CFAP54: variants seen among roughly 807,000 people sequenced by gnomAD.
CFAP54 encodes the protein cilia- and flagella-associated protein 54.
A neutral mutation model predicts 370.4 loss-of-function variants in CFAP54; 290 were observed. The observed-to-expected ratio is 0.78, with a 90% CI of 0.71 to 0.86. The LOEUF (loss-of-function observed/expected upper bound fraction) is 0.86. Among genes scored for constraint, CFAP54 ranks in the 40% least tolerant of loss-of-function variants. CFAP54 has a pLI of 0.00. For missense variants in CFAP54, 3,399 were observed against 3,528.7 expected, an observed-to-expected ratio of 0.96 and a Z score of 0.93; for synonymous variants, 1,206 against 1,236.5, an observed-to-expected ratio of 0.98 and a Z score of 0.52.
chr12:96,538,409 T>C lies in CFAP54; in HGVS notation c.1817T>C (p.Val606Ala). The C allele has an allele frequency of 6.5e-7, 1 of 1,535,612 alleles. No homozygotes were observed. Among genetic ancestry groups the C allele is most frequent in the Non-Finnish European group, 8.7e-7 (1 of 1,146,644 alleles). The change falls in exon 13 of 68, where the codon GTT (valine) becomes GCT (alanine). Residue 606 changes from valine (V) to alanine (A), a missense_variant. Around this residue, in one of 3 missense-constraint regions of CFAP54, gnomAD observed 2,796 missense variants for 2,869.7 expected, o/e 0.97. Coordinates refer to ENST00000524981, the MANE Select transcript of CFAP54 (RefSeq NM_001306084.2). ...PQDVQPDKEI[V>A]VDTIMFLWQK... ...GATGTTCAACCTGATAAAGAAATTG[T>C]TGTGGACACGATAATGTTCCTATGG... is the stretch of plus-strand genomic sequence containing the variant.
At chr12:96,870,373 CA>C (rs1960125965) in intron 67 of CFAP54, among the ~76,000 whole-genome samples, 3 of 152,108 alleles carry the variant, frequency 2.0e-5, no homozygotes, top group Non-Finnish European at 1.5e-5. Flanking sequence ...CATCAAGGAA[CA>C]ACTACCCTAT....
In CFAP54 at chr12:96,536,581, G is replaced by A. The variant is rs558343979; in HGVS notation, c.1791+981G>A. 1.3e-4 allele frequency among the ~76,000 whole-genome samples: 20 copies of A among 151,638 alleles called. No individual in the cohort carries two copies. In the East Asian group the frequency reaches 3.7e-3, roughly 28 times the overall value. ...AAAATAGCGATCAAGGCTTAAAAAG[G>A]TAGGGAACTTTCCTTTATCTGTTTT... On this transcript the variant is annotated intron_variant, in intron 12 of 67. Coordinates refer to ENST00000524981, the MANE Select transcript of CFAP54 (RefSeq NM_001306084.2).
Position 96,626,906 on chromosome 12 carries a change from A to G in CFAP54, c.4070A>G (p.Glu1357Gly). The G allele has an allele frequency of 7.0e-7, 1 of 1,432,376 alleles. No individual in the cohort carries two copies. The highest frequency in any genetic ancestry group is 9.2e-7 in the Non-Finnish European group (1 of 1,084,298). The allele number at this position is 1,432,376 out of a possible 1,614,324, so 88.7% of individuals were successfully genotyped here. A position where few individuals can be genotyped will look rare whatever the true frequency, so the allele number is the denominator to read the frequency against. ...GAGGAAAAATTTCATCTTATGGTAGAGGTAACAACTCCTGTCCATGACTTC... is the reference window on the plus strand; with the variant it reads ...GAGGAAAAATTTCATCTTATGGTAGGGGTAACAACTCCTGTCCATGACTTC... Reference protein sequence around the residue: ...MNEEKFHLMVEVTTPVHDFLK... With the variant: ...MNEEKFHLMVGVTTPVHDFLK... The change falls in exon 30 of 68, where the codon GAG (glutamate) becomes GGG (glycine). Residue 1357 changes from glutamate to glycine, a missense_variant. Physicochemically the swap from Glu to Gly is moderately conservative, Grantham distance 98. This residue lies in a region of CFAP54 where 2,796 missense variants were observed against 2,869.7 expected (regional missense o/e 0.97). Coordinates refer to ENST00000524981, the MANE Select transcript of CFAP54 (RefSeq NM_001306084.2).
intron 66 of CFAP54, among the ~76,000 whole-genome samples, chr12:96,855,833 T>C (rs1388460593): frequency 1.3e-5 from 2 of 152,170 alleles, no homozygotes; most frequent in Non-Finnish European, 2.9e-5. Context: ...CTTCTCACAG[T>C]TCCACTAGGC....
chr12:96,765,412 T>G (rs1199964239), intron 60 of CFAP54, 194 bp downstream of exon 60: 6 of 334,418 alleles, frequency 1.8e-5, no homozygotes, highest in Non-Finnish European at 3.0e-5. Flanking sequence ...TACCTGTTAC[T>G]CAGTCAGCTG....
chr12:96,729,602 TA>T (rs1957891423), intron 50 of CFAP54, among the ~76,000 whole-genome samples: 2 of 152,140 alleles, frequency 1.3e-5, no homozygotes, highest in Admixed American at 1.3e-4. Context: ...CCCCTTTCCT[TA>T]ACCAGGAAAG....
intron 6 of CFAP54, among the ~76,000 whole-genome samples, chr12:96,520,138 GAC>G (rs1955287827): frequency 6.6e-6 from 1 of 152,170 alleles, no homozygotes; most frequent in African/African-American, 2.4e-5. Flanking sequence ...TGGGACTACA[GAC>G]ACACACCACT....
chr12:96,651,498 T>C lies in CFAP54; in HGVS notation c.4873-90T>C, dbSNP rs890963443. On this transcript the variant is annotated intron_variant, in intron 35 of 67. Coordinates refer to ENST00000524981, the MANE Select transcript of CFAP54 (RefSeq NM_001306084.2). Reference sequence around the variant, plus strand: ...AAATGATGTTAGTTATTTTTACTATTGACACATAATATTTGGAAAAAGATG... The same window carrying C: ...AAATGATGTTAGTTATTTTTACTATCGACACATAATATTTGGAAAAAGATG... 4 of 1,006,126 alleles carry C rather than the reference T, an allele frequency of 4.0e-6. No individual in the cohort carries two copies. In the Admixed American group the frequency reaches 6.6e-5, roughly 17 times the overall value. The allele number at this position is 1,006,126 out of a possible 1,614,324, so 62.3% of individuals were successfully genotyped here. A position where few individuals can be genotyped will look rare whatever the true frequency, so the allele number is the denominator to read the frequency against.
chr12:96,643,770 C>A (rs1396264619), intron 32 of CFAP54, among the ~76,000 whole-genome samples: 1 of 152,030 alleles, frequency 6.6e-6, no homozygotes, highest in Admixed American at 6.6e-5. Context: ...CAAAATTTTG[C>A]TGCGTTGTTT....
At chr12:96,759,770 G>A (rs1456984742) in intron 58 of CFAP54, among the ~76,000 whole-genome samples, 1 of 152,204 alleles carries the variant, frequency 6.6e-6, no homozygotes, top group African/African-American at 2.4e-5. Flanking sequence ...TTCCTCGCCT[G>A]TGAAATGGAG....
chr12:96,630,750 G>A, intron 32 of CFAP54, 99 bp downstream of exon 32: 1 of 588,206 alleles, frequency 1.7e-6, no homozygotes, highest in East Asian at 3.3e-5. Flanking sequence ...GACCAGACAG[G>A]TGAAATCACT....
chr12:96,848,652 C>T lies in CFAP54; in HGVS notation c.9172-12167C>T, dbSNP rs188756118. Among the ~76,000 whole-genome samples, 51 of 152,174 alleles carry T rather than the reference C, an allele frequency of 3.4e-4. No individual in the cohort carries two copies. In the South Asian group the frequency reaches 6.6e-3, roughly 20 times the overall value. On this transcript the variant is annotated intron_variant, in intron 66 of 67. Transcript: ENST00000524981. ...GGTGGAGGTTGCAGTGATCTGAGAT[C>T]GCACCACTGCACTCCAGCCTGGCAA...
In CFAP54 at chr12:96,854,500, A is replaced by C. The variant is rs183528430; in HGVS notation, c.9172-6319A>C. Among the ~76,000 whole-genome samples, 721 of 152,306 alleles carry C rather than the reference A, an allele frequency of 4.7e-3. 1 individual carries two copies. Among genetic ancestry groups the C allele is most frequent in the Non-Finnish European group, 8.6e-3 (586 of 68,012 alleles). ...GTAAAAGGTAAATGGCATATGACTA[A>C]AAAACAACTTTAGAGAATCAATAGT... is the stretch of plus-strand genomic sequence containing the variant. On this transcript the variant is annotated intron_variant, in intron 66 of 67. Transcript: ENST00000524981.
chr12:96,552,437 G>A (rs551238307), intron 15 of CFAP54, among the ~76,000 whole-genome samples: 1 of 151,844 alleles, frequency 6.6e-6, no homozygotes, highest in East Asian at 1.9e-4. Context: ...TCTGCCTCCC[G>A]GGTTCAAGTG....
intron 46 of CFAP54, among the ~76,000 whole-genome samples, chr12:96,703,730 C>T (rs1042722401): frequency 5.9e-5 from 9 of 152,032 alleles, no homozygotes; most frequent in South Asian, 2.1e-4. Context: ...AAACTGGTAA[C>T]GATTTTTTTA....
rs1363756403 is a variant in CFAP54, at chr12:96,489,757, A to G, written c.148A>G (p.Thr50Ala). The G allele has an allele frequency of 6.5e-7, 1 of 1,535,798 alleles. No homozygotes were observed. The highest frequency in any genetic ancestry group is 8.7e-7 in the Non-Finnish European group (1 of 1,146,838). ...GSSRSSLLQW[T>A]CPEDSLPLAV... ...CTCCCGGAGCTCGCTGCTTCAGTGGACCTGCCCCGAGGACTCATTGCCCCT... is the reference window on the plus strand; with the variant it reads ...CTCCCGGAGCTCGCTGCTTCAGTGGGCCTGCCCCGAGGACTCATTGCCCCT... Residue 50 changes from threonine to alanine, a missense_variant, in exon 1 of 68, where the codon ACC becomes GCC. Thr to Ala is a moderately conservative substitution (Grantham distance 58). Transcript: ENST00000524981.
intron 39 of CFAP54, among the ~76,000 whole-genome samples, chr12:96,678,024 AC>A (rs1957230517): frequency 6.6e-6 from 1 of 151,994 alleles, no homozygotes; most frequent in Non-Finnish European, 1.5e-5. Context: ...ATTGTCTGTT[AC>A]CCAAGATTTG....
intron 48 of CFAP54, among the ~76,000 whole-genome samples, chr12:96,710,599 A>G (rs781452839): frequency 1.3e-5 from 2 of 151,984 alleles, no homozygotes; most frequent in African/African-American, 2.4e-5. Context: ...GTCTTTTACC[A>G]TCTCTAGGAA....
At chr12:96,589,682 C>A in intron 23 of CFAP54, 119 bp downstream of exon 23, 1 of 605,194 alleles carries the variant, frequency 1.7e-6, no homozygotes, top group Non-Finnish European at 2.8e-6. Context: ...ATCATCATTT[C>A]TAATAACTAT....
Sources: allele counts gnomAD v4.1 joint callset (sites outside exome capture counted in the v4.1 genomes callset), GRCh38; gene constraint gnomAD v4.1.1; regional missense constraint gnomAD v4.1.1; transcripts MANE v1.5; gene names NCBI Gene and HGNC (gene_info 2026-07-23, HGNC 2026-07-21).